Variants in MYO18B observed in about 807,000 individuals in gnomAD.
MYO18B encodes the protein unconventional myosin-XVIIIb.
MYO18B carries 204 observed loss-of-function variants against 273.0 expected under a neutral mutation model. That is an observed-to-expected ratio of 0.75 (90% CI 0.67 to 0.84). The LOEUF is 0.84. Ranked by LOEUF, MYO18B falls within the 40% of genes least tolerant of loss-of-function variation. The probability of loss-of-function intolerance (pLI) is 0.00; values close to 1 mark genes in which losing one functional copy is unlikely to be tolerated. For missense variants in MYO18B, 3,212 were observed against 3,287.6 expected (o/e 0.98, Z 0.56); for synonymous variants, 1,330 against 1,305.7 (o/e 1.02, Z -0.40).
chr22:25,807,534 C>T (rs1024436416), intron 12 of MYO18B, among the ~76,000 whole-genome samples: 3 of 152,116 alleles, frequency 2.0e-5, no homozygotes, highest in Admixed American at 6.5e-5. Flanking sequence ...GCTGATGAAG[C>T]GTAGGAAGGC....
intron 9 of MYO18B, 122 bp downstream of exon 9, chr22:25,780,320 G>T: frequency 2.4e-6 from 3 of 1,244,870 alleles, no homozygotes; most frequent in Non-Finnish European, 3.3e-6. Context: ...GGTCATGGCG[G>T]TGGCTCAGGC....
chr22:25,907,850 C>T (rs1029172498), intron 31 of MYO18B, among the ~76,000 whole-genome samples: 1 of 152,030 alleles, frequency 6.6e-6, no homozygotes, highest in African/African-American at 2.4e-5. Context: ...TCTTGATCAA[C>T]ATGGAGAAAC....
chr22:25,820,952 C>CT (rs1201466570), intron 12 of MYO18B, among the ~76,000 whole-genome samples: 111 of 152,302 alleles, frequency 7.3e-4, no homozygotes, highest in African/African-American at 2.5e-3. Flanking sequence ...CTGTGCCTGG[C>CT]TATTTCACTT....
chr22:25,926,524 G>A (rs1279564644), intron 34 of MYO18B, among the ~76,000 whole-genome samples: 1 of 152,046 alleles, frequency 6.6e-6, no homozygotes, highest in East Asian at 1.9e-4. Flanking sequence ...CTAACTCCTG[G>A]CCTCAAGTGA....
chr22:25,895,907 G>C (rs772448935), intron 28 of MYO18B, among the ~76,000 whole-genome samples: 2 of 150,478 alleles, frequency 1.3e-5, no homozygotes, highest in African/African-American at 4.9e-5. Flanking sequence ...AGTCACAGGT[G>C]TTCTGCATTG....
intron 3 of MYO18B, 30 bp downstream of exon 3, chr22:25,763,419 T>G (rs762986520): frequency 1.9e-6 from 3 of 1,593,366 alleles, no homozygotes; most frequent in Non-Finnish European, 2.6e-6. Flanking sequence ...GAGGACCGTA[T>G]GCGTTTCCAT....
chr22:26,051,164 G>C, the MYO18B span, among the ~76,000 whole-genome samples: 1 of 150,964 alleles, frequency 6.6e-6, no homozygotes, highest in African/African-American at 2.4e-5. Flanking sequence ...ATGCATGCTA[G>C]GTATTTTAGG....
At chr22:26,025,815 C>T (rs557217298) in intron 42 of MYO18B, among the ~76,000 whole-genome samples, 16 of 152,326 alleles carry the variant, frequency 1.1e-4, no homozygotes, top group African/African-American at 3.1e-4. Flanking sequence ...CACAAACTCC[C>T]TCTGCATAAA....
intron 34 of MYO18B, among the ~76,000 whole-genome samples, chr22:25,939,079 T>C (rs1236361390): frequency 6.6e-6 from 1 of 152,190 alleles, no homozygotes; most frequent in African/African-American, 2.4e-5. Flanking sequence ...CCTCACAACA[T>C]GCTAGGATTA....
At chr22:25,875,505 T>TA (rs1555920681) in intron 23 of MYO18B, among the ~76,000 whole-genome samples, 1 of 150,726 alleles carries the variant, frequency 6.6e-6, no homozygotes, top group African/African-American at 2.4e-5. Context: ...GCTGTTCTGG[T>TA]CCCCCCCCCA....
the MYO18B span, among the ~76,000 whole-genome samples, chr22:26,044,236 CA>C: frequency 6.6e-6 from 1 of 152,150 alleles, no homozygotes; most frequent in Admixed American, 6.5e-5. Context: ...AGTTCTTTGT[CA>C]GAGATATGTT....
At chr22:25,944,480 G>A (rs773145353) in intron 34 of MYO18B, among the ~76,000 whole-genome samples, 2 of 152,144 alleles carry the variant, frequency 1.3e-5, no homozygotes, top group African/African-American at 4.8e-5. Context: ...GAGGGCCAAC[G>A]GGACTTACTG....
intron 15 of MYO18B, 43 bp from the exon 16 acceptor site, chr22:25,832,874 A>C: frequency 4.7e-5 from 69 of 1,469,004 alleles, no homozygotes; most frequent in Non-Finnish European, 5.9e-5. Context: ...TTCCCCCTTC[A>C]GCTCGCTAAA....
At chr22:25,939,321 A>AT (rs1255105754) in intron 34 of MYO18B, among the ~76,000 whole-genome samples, 1 of 152,230 alleles carries the variant, frequency 6.6e-6, no homozygotes, top group African/African-American at 2.4e-5. Flanking sequence ...TACCCCAATC[A>AT]TGTCATCAAG....
At chr22:25,874,454 G>A (rs1278828325) in intron 23 of MYO18B, 40 bp downstream of exon 23, 1 of 1,587,118 alleles carries the variant, frequency 6.3e-7, no homozygotes, top group African/African-American at 1.3e-5. Flanking sequence ...GATCCAACGG[G>A]TCTGGAGCGG....
At chr22:25,876,003 CGTGTGTGTGTGTGTGTGTGTGT>C (rs4049349) in intron 23 of MYO18B, among the ~76,000 whole-genome samples, 164 bp from the exon 24 acceptor site, 2 of 139,922 alleles carry the variant, frequency 1.4e-5, no homozygotes, top group Admixed American at 7.1e-5. Context: ...AAAGGAAGCC[CGTGTGTGTGTGTGTGTGTGTGT>C]GTGTGTGTGT....
intron 25 of MYO18B, among the ~76,000 whole-genome samples, chr22:25,880,109 A>G (rs571340480): frequency 1.3e-3 from 194 of 152,330 alleles, no homozygotes; most frequent in African/African-American, 4.2e-3. Flanking sequence ...GCTAGACCAA[A>G]GAGGAGCTTT....
At position 25,780,106 on chromosome 22, in the gene MYO18B, T is replaced by C; in HGVS notation, c.2119T>C (p.Ser707Pro). 6.2e-7 allele frequency: 1 copy of C among 1,602,134 alleles called. No individual in the cohort carries two copies. Among genetic ancestry groups the C allele is most frequent in the Non-Finnish European group, 8.5e-7 (1 of 1,175,284 alleles). ...TGTCCTCCGGGCCTTCGGCTCTGTG[T>C]CCATGGCCCACAGCCGCAGTGCCAC... ...FTVLRAFGSV[S>P]MAHSRSATRF... Residue 707 changes from serine (S) to proline (P), a missense_variant, in exon 9 of 44, where the codon TCC becomes CCC. Physicochemically the swap from Ser to Pro is moderately conservative, Grantham distance 74. Coordinates refer to ENST00000335473, the MANE Select transcript of MYO18B (RefSeq NM_032608.7).
At chr22:25,743,519 A>C (rs1308808279) in intron 1 of MYO18B, among the ~76,000 whole-genome samples, 2 of 152,022 alleles carry the variant, frequency 1.3e-5, no homozygotes, top group Non-Finnish European at 2.9e-5. Flanking sequence ...GGAGGAGGAA[A>C]AAAGCAGGAG....
Sources: allele counts gnomAD v4.1 joint callset (sites outside exome capture counted in the v4.1 genomes callset), GRCh38; gene constraint gnomAD v4.1.1; transcripts MANE v1.5; gene names NCBI Gene and HGNC (gene_info 2026-07-23, HGNC 2026-07-21).